TENM2: variants seen among roughly 807,000 people sequenced by gnomAD.
TENM2 encodes teneurin-2.
Under a neutral mutation model 245.2 loss-of-function variants are expected in TENM2, and 52 were observed. The observed-to-expected ratio is 0.21, with a 90% CI of 0.17 to 0.27. TENM2 has a LOEUF of 0.27. TENM2 is among the 10% of genes least tolerant of loss of function. The pLI, the probability that TENM2 is intolerant of heterozygous loss-of-function variation, is 1.00. For synonymous variants in TENM2, 1,363 were observed against 1,438.9 expected (o/e 0.95, Z 1.19); for missense variants, 3,046 against 3,666.8 (o/e 0.83, Z 4.37).
At chr5:167,437,763 A>G (rs544470483) in intron 2 of TENM2, among the ~76,000 whole-genome samples, 1 of 152,204 alleles carries the variant, frequency 6.6e-6, no homozygotes, top group East Asian at 1.9e-4. Flanking sequence ...TGATGATTTG[A>G]AAAGGACAAA....
the TENM2 span, among the ~76,000 whole-genome samples, chr5:167,033,130 G>A: frequency 1.3e-5 from 2 of 152,182 alleles, no homozygotes; most frequent in African/African-American, 4.8e-5. Flanking sequence ...ACAGACAAGT[G>A]TTTGATCAAA....
rs34061894 is a variant in TENM2, at chr5:167,783,173, G to GTTT, written c.503-92801_503-92799dup. Among the ~76,000 whole-genome samples, 57 of 143,978 alleles carry GTTT rather than the reference G, an allele frequency of 4.0e-4. 1 individual carries two copies. Among genetic ancestry groups the GTTT allele is most frequent in the East Asian group, 1.2e-3 (6 of 4,930 alleles). 94.5% of individuals were successfully genotyped at this position (143,978 alleles called of 152,430 possible). ...ATTGATTGGCTTCAACTAGAAACAG[G>GTTT]TTTTTTTTTTTTTTCTGTCTTTTGT... is the stretch of plus-strand genomic sequence containing the variant. On this transcript the variant is annotated intron_variant, in intron 2 of 28. Coordinates refer to ENST00000518659, the Ensembl canonical transcript of TENM2.
At chr5:167,998,845 G>A (rs988980984) in intron 5 of TENM2, among the ~76,000 whole-genome samples, 3 of 152,198 alleles carry the variant, frequency 2.0e-5, no homozygotes. Context: ...GATGTTAAAA[G>A]TGTGGTAATT....
In TENM2 at chr5:168,122,882, G is replaced by A. The variant is rs143260685; in HGVS notation, c.2009-1968G>A. ...AGGGCTGCCCTTTGGAAACTTCATG[G>A]AATATTGTGATTTCCAGTAAGTCCA... On this transcript the variant is annotated intron_variant, in intron 10 of 28. Transcript: ENST00000518659. 1.9e-3 allele frequency among the ~76,000 whole-genome samples: 293 copies of A among 152,222 alleles called. 1 individual carries two copies. The highest frequency in any genetic ancestry group is 6.8e-3 in the African/African-American group (284 of 41,532).
intron 2 of TENM2, among the ~76,000 whole-genome samples, chr5:167,628,029 G>A (rs544585245): frequency 3.9e-5 from 6 of 152,258 alleles, no homozygotes; most frequent in Non-Finnish European, 5.9e-5. Flanking sequence ...GTGTCTTTCC[G>A]GATTATGCTT....
chr5:167,062,422 G>A, the TENM2 span, among the ~76,000 whole-genome samples: 1 of 150,898 alleles, frequency 6.6e-6, no homozygotes, highest in Admixed American at 6.6e-5. Context: ...TAGCAGACAG[G>A]CCAAAAGAAA....
At chr5:167,073,416 G>A in the TENM2 span, among the ~76,000 whole-genome samples, 12 of 152,222 alleles carry the variant, frequency 7.9e-5, no homozygotes, top group Admixed American at 7.2e-4. Context: ...TGTTTGCATT[G>A]TTGATCAAAA....
intron 2 of TENM2, among the ~76,000 whole-genome samples, chr5:167,689,824 C>T (rs1187055825): frequency 1.3e-5 from 2 of 151,996 alleles, no homozygotes; most frequent in Non-Finnish European, 2.9e-5. Context: ...TGCAATGGAG[C>T]AATTTTGGCT....
chr5:167,038,885 G>A, the TENM2 span, among the ~76,000 whole-genome samples: 1 of 152,040 alleles, frequency 6.6e-6, no homozygotes, highest in African/African-American at 2.4e-5. Flanking sequence ...TGTAGTTTTT[G>A]GAAATGAAGC....
Position 168,003,306 on chromosome 5 carries a change from A to ACAC in TENM2, c.1186+10124_1186+10125insCAC, listed in dbSNP as rs1562038456. 9.3e-4 allele frequency among the ~76,000 whole-genome samples: 84 copies of ACAC among 90,588 alleles called. 1 individual carries two copies. The highest frequency in any genetic ancestry group is 5.6e-3 in the African/African-American group (77 of 13,856). The allele number at this position is 90,588 out of a possible 152,430, so 59.4% of individuals were successfully genotyped here. On this transcript the variant is annotated intron_variant, in intron 5 of 28. Transcript: ENST00000518659. ...TAAAATTACAAAGTTTTTAAGAAAA[A>ACAC]ACACACACACACACACACACACACA...
At chr5:167,561,039 G>A (rs1016531811) in intron 2 of TENM2, among the ~76,000 whole-genome samples, 2 of 152,138 alleles carry the variant, frequency 1.3e-5, no homozygotes, top group Admixed American at 6.5e-5. Flanking sequence ...TTGAGAAATC[G>A]CTATTATCCA....
intron 6 of TENM2, among the ~76,000 whole-genome samples, chr5:168,058,512 C>T (rs1167425845): frequency 6.6e-6 from 1 of 152,176 alleles, no homozygotes; most frequent in East Asian, 1.9e-4. Flanking sequence ...TTTTGTCTGG[C>T]TGAGGACAGT....
At chr5:167,507,680 C>T (rs1378418817) in intron 2 of TENM2, among the ~76,000 whole-genome samples, 1 of 152,106 alleles carries the variant, frequency 6.6e-6, no homozygotes, top group African/African-American at 2.4e-5. Flanking sequence ...TAAGCTCTAA[C>T]TTTTGTTGCA....
chr5:167,364,639 A>G (rs1759930360), intron 1 of TENM2, among the ~76,000 whole-genome samples: 1 of 152,078 alleles, frequency 6.6e-6, no homozygotes, highest in Non-Finnish European at 1.5e-5. Context: ...ATTGCTTACA[A>G]TAAAAATAAG....
At position 167,446,471 on chromosome 5, in the gene TENM2, A is replaced by G. The variant is rs564914644; in HGVS notation, c.502+70998A>G. ...TTATCATCTAAAGCTGTATCCACACATTTCTTGGGCCAGTTACACTGTTAA... is the reference window on the plus strand; with the variant it reads ...TTATCATCTAAAGCTGTATCCACACGTTTCTTGGGCCAGTTACACTGTTAA... On this transcript the variant is annotated intron_variant, in intron 2 of 28. Coordinates refer to ENST00000518659, the Ensembl canonical transcript of TENM2. Among the ~76,000 whole-genome samples, 22 of 152,216 alleles carry G rather than the reference A, an allele frequency of 1.4e-4. No individual in the cohort carries two copies. In the South Asian group the frequency reaches 4.6e-3, roughly 32 times the overall value.
chr5:167,383,038 A>C (rs1486912506), intron 2 of TENM2, among the ~76,000 whole-genome samples: 1 of 152,122 alleles, frequency 6.6e-6, no homozygotes, highest in Non-Finnish European at 1.5e-5. Context: ...TATTTCTGAA[A>C]AGATTTCAAG....
chr5:167,248,800 G>A, the TENM2 span, among the ~76,000 whole-genome samples: 5 of 36,200 alleles, frequency 1.4e-4, no homozygotes, highest in Admixed American at 1.4e-3. Flanking sequence ...ATATGTGTGC[G>A]TGTGTGTGTA....
intron 2 of TENM2, among the ~76,000 whole-genome samples, chr5:167,677,176 A>G (rs1347610370): frequency 6.6e-6 from 1 of 152,102 alleles, no homozygotes; most frequent in Non-Finnish European, 1.5e-5. Context: ...ACCCCAAGAG[A>G]ATAATATAAC....
intron 4 of TENM2, among the ~76,000 whole-genome samples, chr5:167,971,762 G>C (rs1448494521): frequency 6.6e-6 from 1 of 152,086 alleles, no homozygotes; most frequent in Admixed American, 6.6e-5. Context: ...CCTGAGCCCT[G>C]ATCATTTAAG....
Sources: allele counts gnomAD v4.1 joint callset (sites outside exome capture counted in the v4.1 genomes callset), GRCh38; gene constraint gnomAD v4.1.1; transcripts MANE v1.5; gene names NCBI Gene and HGNC (gene_info 2026-07-23, HGNC 2026-07-21).